The following USP8 variants were observed in gnomAD, a reference collection of about 807,000 sequenced individuals.
USP8 encodes the protein ubiquitin carboxyl-terminal hydrolase 8.
A neutral mutation model predicts 130.0 loss-of-function variants in USP8; 27 were observed. The observed-to-expected ratio is 0.21, with a 90% CI of 0.15 to 0.29. The LOEUF (loss-of-function observed/expected upper bound fraction) is 0.29, where lower values mean the gene tolerates loss of function less well. USP8 is among the 10% of genes least tolerant of loss of function. USP8 has a pLI of 1.00. For synonymous variants in USP8, 392 were observed against 444.1 expected (o/e 0.88, Z 1.48); for missense variants, 1,029 against 1,312.2 (o/e 0.78, Z 3.33).
At chr15:50,471,901 C>CT in intron 8 of USP8, 106 bp downstream of exon 8, 3 of 1,159,858 alleles carry the variant, frequency 2.6e-6, no homozygotes, top group East Asian at 2.6e-5. Context: ...ATTCATCATG[C>CT]CTTTTTTTTT....
At position 50,501,752 on chromosome 15, in the gene USP8, A is replaced by C. The variant is rs1172724860; in HGVS notation, c.*2664A>C. On this transcript the variant is annotated 3_prime_UTR_variant, in exon 20 of 20. Coordinates refer to ENST00000307179, the MANE Select transcript of USP8 (RefSeq NM_005154.5). ...CCAAGGAGGTGTTATGGTGTATGAT[A>C]AGGGTCAGCAAACCACGGCCCGTGG... 1 of 152,198 alleles carries C rather than the reference A, an allele frequency of 6.6e-6. No individual in the cohort carries two copies. The highest frequency in any genetic ancestry group is 1.9e-4 in the East Asian group (1 of 5,202). The allele number at this position is 152,198 out of a possible 1,614,324, so 9.4% of individuals were successfully genotyped here.
chr15:50,495,043 C>T (rs1376591956), intron 16 of USP8, among the ~76,000 whole-genome samples: 1 of 151,430 alleles, frequency 6.6e-6, no homozygotes, highest in Non-Finnish European at 1.5e-5. Flanking sequence ...AAAAATTACT[C>T]CATGTAACCA....
intron 7 of USP8, among the ~76,000 whole-genome samples, chr15:50,470,575 T>C (rs1224482559): frequency 6.7e-6 from 1 of 149,372 alleles, no homozygotes; most frequent in Non-Finnish European, 1.5e-5. Flanking sequence ...GGTGTATGTC[T>C]GTGGCAGGCC....
intron 1 of USP8, among the ~76,000 whole-genome samples, chr15:50,433,840 C>T (rs928671579): frequency 1.3e-5 from 2 of 152,084 alleles, no homozygotes; most frequent in Non-Finnish European, 2.9e-5. Context: ...CTCCTGACCT[C>T]GTGATCCGCC....
Position 50,505,231 on chromosome 15 carries a change from AAAAAT to A in USP8, c.*6146_*6150del, listed in dbSNP as rs2052642885. 1 of 152,182 alleles carries A rather than the reference AAAAAT, an allele frequency of 6.6e-6. No homozygotes were observed. The highest frequency in any genetic ancestry group is 2.1e-4 in the South Asian group (1 of 4,828). The allele number at this position is 152,182 out of a possible 1,614,324, so 9.4% of individuals were successfully genotyped here. A position where few individuals can be genotyped will look rare whatever the true frequency, so the allele number is the denominator to read the frequency against. On this transcript the variant is annotated 3_prime_UTR_variant, in exon 20 of 20. Coordinates refer to ENST00000307179, the MANE Select transcript of USP8 (RefSeq NM_005154.5). ...GAAATGCAGCGAGCCAGGGATAAAT[AAAAAT>A]AATACTGCAGAACAACAGAGACAAA... is the stretch of plus-strand genomic sequence containing the variant.
intron 7 of USP8, among the ~76,000 whole-genome samples, chr15:50,470,003 T>C (rs1316080379): frequency 1.3e-5 from 2 of 152,162 alleles, no homozygotes; most frequent in Non-Finnish European, 2.9e-5. Context: ...AGCTAATTTT[T>C]GTATTTTTAA....
At chr15:50,463,702 G>A (rs1380588584) in intron 6 of USP8, among the ~76,000 whole-genome samples, 1 of 152,146 alleles carries the variant, frequency 6.6e-6, no homozygotes, top group Non-Finnish European at 1.5e-5. Context: ...GCATACACTT[G>A]ATGGCTAGAG....
chr15:50,436,232 A>G (rs551693836), intron 1 of USP8, among the ~76,000 whole-genome samples: 1 of 151,018 alleles, frequency 6.6e-6, no homozygotes, highest in South Asian at 2.1e-4. Flanking sequence ...TGTTCATTCT[A>G]TGTAGTGGCT....
At chr15:50,457,158 T>G (rs1364266024) in intron 4 of USP8, among the ~76,000 whole-genome samples, 1 of 152,240 alleles carries the variant, frequency 6.6e-6, no homozygotes, top group African/African-American at 2.4e-5. Flanking sequence ...AAACTTAAAA[T>G]TTTAAATATG....
At chr15:50,447,605 C>T (rs1376904215) in intron 3 of USP8, among the ~76,000 whole-genome samples, 1 of 151,134 alleles carries the variant, frequency 6.6e-6, no homozygotes, top group African/African-American at 2.4e-5. Flanking sequence ...TCTTGTTGCC[C>T]GGGGTAGAGT....
intron 8 of USP8, among the ~76,000 whole-genome samples, chr15:50,474,832 G>C (rs976886110): frequency 4.6e-5 from 7 of 152,178 alleles, no homozygotes; most frequent in African/African-American, 1.4e-4. Flanking sequence ...TTTATGGCTG[G>C]CCGCGGTGGC....
intron 8 of USP8, among the ~76,000 whole-genome samples, chr15:50,473,824 T>C (rs919105019): frequency 6.6e-6 from 1 of 150,896 alleles, no homozygotes; most frequent in African/African-American, 2.4e-5. Flanking sequence ...ATATATATTT[T>C]TTTAATTTAA....
chr15:50,428,682 G>A (rs1250171391), intron 1 of USP8, among the ~76,000 whole-genome samples: 4 of 152,172 alleles, frequency 2.6e-5, no homozygotes, highest in Non-Finnish European at 5.9e-5. Flanking sequence ...GCAACTTGAG[G>A]TGTGACAGCA....
chr15:50,494,385 T>G (rs2052292149), intron 16 of USP8, 105 bp downstream of exon 16: 2 of 935,186 alleles, frequency 2.1e-6, no homozygotes, highest in Non-Finnish European at 3.2e-6. Context: ...GTTCAGTGCT[T>G]GTTTATTCAA....
chr15:50,427,636 C>T (rs1460309750), intron 1 of USP8, among the ~76,000 whole-genome samples: 1 of 145,274 alleles, frequency 6.9e-6, no homozygotes, highest in Admixed American at 7.0e-5. Flanking sequence ...GTTCTCGGCT[C>T]ACTGAAATGT....
Position 50,439,002 on chromosome 15 carries a change from G to T in USP8, c.-65-7G>T. The T allele has an allele frequency of 9.3e-7, 1 of 1,072,814 alleles. No homozygotes were observed. The allele number at this position is 1,072,814 out of a possible 1,614,324, so 66.5% of individuals were successfully genotyped here. A position where few individuals can be genotyped will look rare whatever the true frequency, so the allele number is the denominator to read the frequency against. ...AAAATTAGTATAATTATTTGTATTT[G>T]TTTCAGGAAAGAAGCACTTGTAAGG... On this transcript the variant is annotated splice_region_variant and splice_polypyrimidine_tract_variant and intron_variant, in intron 1 of 19. Transcript: ENST00000307179.
rs11632697 is a variant in USP8 at position 50,439,016 on chromosome 15, G to C, written c.-58G>C. On this transcript the variant is annotated 5_prime_UTR_variant, in exon 2 of 20. Coordinates refer to ENST00000307179, the MANE Select transcript of USP8 (RefSeq NM_005154.5). ...TATTTGTATTTGTTTCAGGAAAGAA[G>C]CACTTGTAAGGAAATATAGCATCCA... 0.17 allele frequency: 199,070 copies of C among 1,193,454 alleles called. 19,046 individuals carry two copies. Among genetic ancestry groups the C allele is most frequent in the Admixed American group, 0.3 (15,296 of 50,396 alleles). 73.9% of individuals were successfully genotyped at this position (1,193,454 alleles called of 1,614,324 possible).
intron 8 of USP8, among the ~76,000 whole-genome samples, chr15:50,474,463 A>G (rs1181479665): frequency 6.6e-6 from 1 of 152,230 alleles, no homozygotes; most frequent in Admixed American, 6.5e-5. Flanking sequence ...ACCCAGAAAT[A>G]TACCTAAGTA....
In USP8 at chr15:50,506,867, A is replaced by G. The variant is rs1421951289; in HGVS notation, c.*7779A>G. The G allele has an allele frequency of 1.4e-5, 2 of 141,644 alleles. No homozygotes were observed. The highest frequency in any genetic ancestry group is 3.0e-5 in the Non-Finnish European group (2 of 66,152). 8.8% of individuals were successfully genotyped at this position (141,644 alleles called of 1,614,324 possible). A position where few individuals can be genotyped will look rare whatever the true frequency, so the allele number is the denominator to read the frequency against. On this transcript the variant is annotated 3_prime_UTR_variant, in exon 20 of 20. Coordinates refer to ENST00000307179, the MANE Select transcript of USP8 (RefSeq NM_005154.5). Reference sequence around the variant, plus strand: ...CAGCTACTCCGGAGGCTGAGGCAGGAGAATGGCATGAACCCAGGAGGTGAA... The same window carrying G: ...CAGCTACTCCGGAGGCTGAGGCAGGGGAATGGCATGAACCCAGGAGGTGAA...
Sources: gnomAD v4.1 joint callset for allele counts (sites outside exome capture counted in the v4.1 genomes callset) on GRCh38, gnomAD v4.1.1 for gene constraint, MANE v1.5 for transcripts, NCBI Gene and HGNC (gene_info 2026-07-23, HGNC 2026-07-21) for gene names.